Variants in ANKAR observed in about 807,000 individuals in gnomAD.
The protein encoded by ANKAR is ankyrin and armadillo repeat containing.
ANKAR carries 136 observed loss-of-function variants against 146.2 expected under a neutral mutation model. The observed-to-expected ratio is 0.93, with a 90% CI of 0.81 to 1.07. The LOEUF is 1.07. Ranked by LOEUF, ANKAR falls within the 50% of genes least tolerant of loss-of-function variation. The probability of loss-of-function intolerance (pLI) is 0.00; values close to 1 mark genes in which losing one functional copy is unlikely to be tolerated. For synonymous variants in ANKAR, 500 were observed against 575.8 expected, an observed-to-expected ratio of 0.87 and a Z score of 1.88; for missense variants, 1,567 against 1,679.9, an observed-to-expected ratio of 0.93 and a Z score of 1.18.
At position 189,689,870 on chromosome 2, in the gene ANKAR, C is replaced by T; in HGVS notation, c.945C>T (p.Tyr315=). Residue 315 remains tyrosine, a synonymous_variant, in exon 3 of 23, where the codon TAC becomes TAT. Coordinates refer to ENST00000684021, the MANE Select transcript of ANKAR (RefSeq NM_001378068.1). ...AAGATATCAGAAGAGGGATAGGATA[C>T]CTAAAGTTAATATGTTTTCTGATTC... ...KKKDIRRGIG[Y]LKLICFLIPF... is the part of the protein sequence containing the mutation. 1.9e-6 allele frequency: 3 copies of T among 1,589,476 alleles called. No individual in the cohort carries two copies. Among genetic ancestry groups the T allele is most frequent in the Non-Finnish European group, 2.6e-6 (3 of 1,171,274 alleles).
At chr2:189,692,475 T>G in intron 4 of ANKAR, 57 bp downstream of exon 4, 1 of 1,507,982 alleles carries the variant, frequency 6.6e-7, no homozygotes. Context: ...TATCCTATTC[T>G]CCAACCAAAA....
At chr2:189,762,844 C>G (rs766391228), downstream of ANKAR, 13 of 985,310 alleles carry the variant, frequency 1.3e-5, no homozygotes, top group Non-Finnish European at 1.4e-5. Flanking sequence ...GTTCCGCTAG[C>G]GAGCGGCATG....
intron 5 of ANKAR, among the ~76,000 whole-genome samples, chr2:189,693,655 T>C (rs1203245648): frequency 2.6e-4 from 40 of 152,200 alleles, no homozygotes; most frequent in Admixed American, 2.6e-3. Flanking sequence ...GGACCAAGTC[T>C]GGAACTTTGG....
chr2:189,753,369 T>C (rs2045587817), intron 18 of ANKAR, among the ~76,000 whole-genome samples: 1 of 152,196 alleles, frequency 6.6e-6, no homozygotes, highest in African/African-American at 2.4e-5. Context: ...TTAAACATTT[T>C]CCCACTTTAG....
At chr2:189,701,848 T>C (rs1403477981) in intron 7 of ANKAR, among the ~76,000 whole-genome samples, 2 of 152,254 alleles carry the variant, frequency 1.3e-5, no homozygotes, top group African/African-American at 4.8e-5. Flanking sequence ...TTTTTTGCTT[T>C]TTAAATATGC....
At chr2:189,715,979 A>G (rs569567856) in intron 10 of ANKAR, among the ~76,000 whole-genome samples, 5 of 152,186 alleles carry the variant, frequency 3.3e-5, no homozygotes, top group Admixed American at 6.6e-5. Flanking sequence ...CACAGCCAAT[A>G]TCGTACTGAA....
At chr2:189,687,837 C>T (rs1018702594) in intron 2 of ANKAR, among the ~76,000 whole-genome samples, 2 of 152,042 alleles carry the variant, frequency 1.3e-5, no homozygotes, top group Non-Finnish European at 2.9e-5. Flanking sequence ...ATTGTTTGAC[C>T]TCCTTATATA....
intron 20 of ANKAR, 140 bp from the exon 21 acceptor site, chr2:189,743,135 A>G: frequency 1.4e-6 from 1 of 725,794 alleles, no homozygotes; most frequent in Non-Finnish European, 2.2e-6. Context: ...CCGTCTATAC[A>G]CTGCCATTTG....
downstream of ANKAR, chr2:189,761,600 G>A: frequency 6.2e-7 from 1 of 1,604,386 alleles, no homozygotes; most frequent in Non-Finnish European, 8.5e-7. Flanking sequence ...CCTTTTTGAT[G>A]GTTTAAAAAA....
At chr2:189,709,268 G>A (rs1188377701) in intron 9 of ANKAR, among the ~76,000 whole-genome samples, 3 of 152,240 alleles carry the variant, frequency 2.0e-5, no homozygotes, top group South Asian at 4.1e-4. Flanking sequence ...AAAGAGCAAC[G>A]TTGAAAGAGT....
chr2:189,701,001 G>A (rs60490809), intron 7 of ANKAR, among the ~76,000 whole-genome samples: 1 of 152,066 alleles, frequency 6.6e-6, no homozygotes, highest in Non-Finnish European at 1.5e-5. Context: ...GCAGTAAATA[G>A]GATTATTTTC....
At chr2:189,749,289 GT>G (rs11307480), downstream of ANKAR, among the ~76,000 whole-genome samples, 130,510 of 133,618 alleles carry the variant, frequency 0.98, 63,801 homozygotes, top group South Asian at 1. Context: ...TTACTCCACG[GT>G]TTTTTTTTTT....
intron 9 of ANKAR, among the ~76,000 whole-genome samples, chr2:189,709,922 G>T (rs552743528): frequency 6.6e-6 from 1 of 152,250 alleles, no homozygotes; most frequent in African/African-American, 2.4e-5. Flanking sequence ...ATTCACCAGG[G>T]CTGCTGCTTC....
At chr2:189,735,500 A>C (rs1288729370) in intron 17 of ANKAR, among the ~76,000 whole-genome samples, 8 of 152,206 alleles carry the variant, frequency 5.3e-5, no homozygotes, top group Admixed American at 5.2e-4. Context: ...TCCTTCATTA[A>C]ACCTATAGTG....
At chr2:189,701,021 G>T in intron 7 of ANKAR, among the ~76,000 whole-genome samples, 1 of 151,906 alleles carries the variant, frequency 6.6e-6, no homozygotes, top group African/African-American at 2.4e-5. Context: ...CTTTATCTTT[G>T]TTTTTCTGTA....
In ANKAR at chr2:189,676,704, A is replaced by C. The variant is rs773614014; in HGVS notation, c.214A>C (p.Met72Leu). 6.2e-7 allele frequency: 1 copy of C among 1,614,218 alleles called. No homozygotes were observed. The highest frequency in any genetic ancestry group is 8.5e-7 in the Non-Finnish European group (1 of 1,180,044). Residue 72 changes from methionine to leucine, a missense_variant, in exon 2 of 23, where the codon ATG becomes CTG. Coordinates refer to ENST00000684021, the MANE Select transcript of ANKAR (RefSeq NM_001378068.1). ...RSQVDLPCGI[M>L]SQMNNVGFST... ...TCAAGTAGACCTCCCATGTGGAATT[A>C]TGAGTCAAATGAATAACGTAGGCTT...
In ANKAR at chr2:189,719,795, G is replaced by A; in HGVS notation, c.2448G>A (p.Lys816=). ...ILYDIAQCEN[K]DVIAKYNGIP... ...ATGATATTGCTCAATGTGAAAACAA[G>A]GATGTTATTGCCAAATATGTAAGTT... is the stretch of plus-strand genomic sequence containing the variant. The change falls in exon 11 of 23, where the codon AAG becomes AAA. Residue 816 remains lysine, a synonymous_variant. Transcript: ENST00000684021. 6.4e-7 allele frequency: 1 copy of A among 1,574,742 alleles called. No individual in the cohort carries two copies. Among genetic ancestry groups the A allele is most frequent in the Non-Finnish European group, 8.7e-7 (1 of 1,150,270 alleles).
intron 5 of ANKAR, among the ~76,000 whole-genome samples, chr2:189,694,346 C>CA (rs776683049): frequency 1.3e-5 from 2 of 152,134 alleles, no homozygotes; most frequent in East Asian, 1.9e-4. Context: ...GTATTCACCG[C>CA]TGAAATCCGG....
intron 18 of ANKAR, chr2:189,753,245 T>C (rs1177684804): frequency 9.2e-6 from 2 of 217,980 alleles, no homozygotes; most frequent in Non-Finnish European, 1.8e-5. Context: ...ATTTCAATCA[T>C]AGTACACTAT....
Sources: allele counts gnomAD v4.1 joint callset (sites outside exome capture counted in the v4.1 genomes callset), GRCh38; gene constraint gnomAD v4.1.1; transcripts MANE v1.5; gene names NCBI Gene and HGNC (gene_info 2026-07-23, HGNC 2026-07-21).